BMAL1: variants seen among roughly 807,000 people sequenced by gnomAD.
The protein encoded by BMAL1 is basic helix-loop-helix ARNT like 1.
chr11:13,294,737 G>A, the BMAL1 span, among the ~76,000 whole-genome samples: 1 of 152,152 alleles, frequency 6.6e-6, no homozygotes, highest in Non-Finnish European at 1.5e-5. Context: ...CCTGTTCACT[G>A]TGTCACCATT....
At chr11:13,334,470 C>G in the BMAL1 span, among the ~76,000 whole-genome samples, 1 of 152,044 alleles carries the variant, frequency 6.6e-6, no homozygotes, top group African/African-American at 2.4e-5. Context: ...CTGCCAGGCC[C>G]CACAGGGTTC....
chr11:13,356,817 A>G, the BMAL1 span: 2 of 1,613,950 alleles, frequency 1.2e-6, no homozygotes, highest in South Asian at 1.1e-5. Context: ...GCATCCTTAT[A>G]GCCATTTTCT....
At chr11:13,377,353 C>T in the BMAL1 span, among the ~76,000 whole-genome samples, 2 of 152,212 alleles carry the variant, frequency 1.3e-5, no homozygotes, top group Non-Finnish European at 2.9e-5. Context: ...AGCTGATTTT[C>T]TGCACTCCCC....
chr11:13,295,264 C>T, the BMAL1 span, among the ~76,000 whole-genome samples: 1 of 152,110 alleles, frequency 6.6e-6, no homozygotes, highest in East Asian at 1.9e-4. Context: ...CCAAGGCTGA[C>T]ATGGCTTTGG....
At chr11:13,341,746 T>C in the BMAL1 span, among the ~76,000 whole-genome samples, 3 of 152,234 alleles carry the variant, frequency 2.0e-5, no homozygotes, top group Non-Finnish European at 4.4e-5. Context: ...TCTTATTCTG[T>C]AGCAATTAAA....
the BMAL1 span, among the ~76,000 whole-genome samples, chr11:13,278,458 C>G: frequency 1.3e-5 from 2 of 152,216 alleles, no homozygotes; most frequent in African/African-American, 2.4e-5. Context: ...GCCCTTCCTC[C>G]CCGCTTCACT....
chr11:13,365,282 A>AAC, the BMAL1 span: 54,405 of 182,148 alleles, frequency 0.3, 6,949 homozygotes, highest in Admixed American at 0.36. Context: ...GATATGCAGA[A>AAC]ACACACACAC....
chr11:13,384,228 T>C, the BMAL1 span, among the ~76,000 whole-genome samples: 3 of 152,208 alleles, frequency 2.0e-5, no homozygotes, highest in African/African-American at 2.4e-5. Context: ...AGAAAACTTG[T>C]CTCTGCTACT....
At chr11:13,375,551 G>T in the BMAL1 span, 1 of 1,370,806 alleles carries the variant, frequency 7.3e-7, no homozygotes, top group Non-Finnish European at 9.8e-7. Context: ...TGTATTGGAT[G>T]TCCTGTTTAA....
At chr11:13,345,453 G>A in the BMAL1 span, among the ~76,000 whole-genome samples, 1 of 152,202 alleles carries the variant, frequency 6.6e-6, no homozygotes, top group Non-Finnish European at 1.5e-5. Flanking sequence ...TAACTTGTTT[G>A]CTCAGTTCCT....
At chr11:13,382,059 A>C in the BMAL1 span, among the ~76,000 whole-genome samples, 1 of 152,158 alleles carries the variant, frequency 6.6e-6, no homozygotes, top group African/African-American at 2.4e-5. Context: ...AAGGATTTTC[A>C]AAACTGAGCT....
the BMAL1 span, chr11:13,378,639 G>A: frequency 1.6e-6 from 1 of 628,850 alleles, no homozygotes; most frequent in South Asian, 2.4e-5. Context: ...AAACAGGACA[G>A]TTCCCTCCTC....
the BMAL1 span, among the ~76,000 whole-genome samples, chr11:13,383,960 T>C: frequency 1.1e-4 from 16 of 152,230 alleles, no homozygotes; most frequent in Non-Finnish European, 2.2e-4. Flanking sequence ...TGTGACAAAA[T>C]GAGAAGTACA....
At chr11:13,382,068 C>T in the BMAL1 span, among the ~76,000 whole-genome samples, 1 of 152,062 alleles carries the variant, frequency 6.6e-6, no homozygotes, top group Non-Finnish European at 1.5e-5. Context: ...CAAAACTGAG[C>T]TCCTCGGAGG....
chr11:13,341,897 G>A, the BMAL1 span, among the ~76,000 whole-genome samples: 1 of 152,238 alleles, frequency 6.6e-6, no homozygotes, highest in South Asian at 2.1e-4. Flanking sequence ...GAATGCAGGG[G>A]CATGTCAAGG....
chr11:13,293,340 C>G, the BMAL1 span, among the ~76,000 whole-genome samples: 1 of 152,182 alleles, frequency 6.6e-6, no homozygotes, highest in Non-Finnish European at 1.5e-5. Flanking sequence ...GAGTCCAGCC[C>G]TTTTACTTCA....
chr11:13,359,978 A>G, the BMAL1 span, among the ~76,000 whole-genome samples: 23 of 152,208 alleles, frequency 1.5e-4, 1 homozygote, highest in African/African-American at 4.8e-5. Context: ...AACCCATTTA[A>G]TACAGATCTT....
chr11:13,368,203 A>G, the BMAL1 span, among the ~76,000 whole-genome samples: 2 of 152,322 alleles, frequency 1.3e-5, no homozygotes, highest in African/African-American at 2.4e-5. Flanking sequence ...CACCCTGCAT[A>G]GTAATAGGTA....
At chr11:13,360,257 C>T in the BMAL1 span, 1 of 1,150,184 alleles carries the variant, frequency 8.7e-7, no homozygotes, top group Middle Eastern at 2.0e-4. Flanking sequence ...AGAGACTAGG[C>T]CACTTACAGA....
Sources: allele counts gnomAD v4.1 joint callset (sites outside exome capture counted in the v4.1 genomes callset), GRCh38; gene constraint gnomAD v4.1.1; transcripts MANE v1.5; gene names NCBI Gene and HGNC (gene_info 2026-07-23, HGNC 2026-07-21).